Variants in TOMM20 observed in about 807,000 individuals in gnomAD.
TOMM20 encodes the protein translocase of outer mitochondrial membrane 20.
A neutral mutation model predicts 22.1 loss-of-function variants in TOMM20; 10 were observed. The ratio of observed to expected loss-of-function variants is 0.45; its 90% CI spans 0.28 to 0.77. The LOEUF (loss-of-function observed/expected upper bound fraction) is 0.77, where lower values mean the gene tolerates loss of function less well. Ranked by LOEUF, TOMM20 falls within the 30% of genes least tolerant of loss-of-function variation. TOMM20 has a pLI of 0.13. For synonymous variants in TOMM20, 55 were observed against 61.4 expected (o/e 0.90, Z 0.49); for missense variants, 121 against 172.2 (o/e 0.70, Z 1.66).
At position 235,111,633 on chromosome 1, in the gene TOMM20, C is replaced by T. The variant is rs1315117400; in HGVS notation, c.*431G>A. On this transcript the variant is annotated 3_prime_UTR_variant, in exon 5 of 5. Transcript: ENST00000366607. The stretch of plus-strand genomic sequence containing the variant: ...CTTTAATGCTCAGTTTTCACAAACA[C>T]AGTCAAGTCTATCAAATTTCCAGAT... 1 of 162,338 alleles carries T rather than the reference C, an allele frequency of 6.2e-6. No homozygotes were observed. The highest frequency in any genetic ancestry group is 2.4e-5 in the African/African-American group (1 of 41,418). The allele number at this position is 162,338 out of a possible 1,614,324, so 10.1% of individuals were successfully genotyped here.
At chr1:235,123,221 C>T (rs974605534) in intron 1 of TOMM20, among the ~76,000 whole-genome samples, 19 of 152,304 alleles carry the variant, frequency 1.2e-4, no homozygotes, top group African/African-American at 4.6e-4. Flanking sequence ...GGCCCAGTGG[C>T]TCATGCTTTA....
intron 1 of TOMM20, among the ~76,000 whole-genome samples, chr1:235,125,340 CAGT>C (rs1660992938): frequency 6.6e-6 from 1 of 152,102 alleles, no homozygotes; most frequent in East Asian, 1.9e-4. Flanking sequence ...TCAGCCTCCC[CAGT>C]AGGTGGGACT....
At chr1:235,125,754 T>G (rs1661005562) in intron 1 of TOMM20, among the ~76,000 whole-genome samples, 1 of 151,908 alleles carries the variant, frequency 6.6e-6, no homozygotes, top group African/African-American at 2.4e-5. Flanking sequence ...TTTTTTTTTT[T>G]TTTGAGACCG....
chr1:235,117,107 C>G, intron 3 of TOMM20, among the ~76,000 whole-genome samples: 1 of 127,346 alleles, frequency 7.9e-6, no homozygotes, highest in South Asian at 2.5e-4. Context: ...TGCACTCCAG[C>G]CTGGGCGACA....
At chr1:235,121,420 T>G (rs1013199214) in intron 2 of TOMM20, among the ~76,000 whole-genome samples, 27 of 152,210 alleles carry the variant, frequency 1.8e-4, no homozygotes. Flanking sequence ...TGTTTTCCTA[T>G]GCCCTTAGAA....
intron 2 of TOMM20, 21 bp downstream of exon 2, chr1:235,122,305 A>C: frequency 6.7e-7 from 1 of 1,488,360 alleles, no homozygotes; most frequent in East Asian, 2.4e-5. Context: ...TATATAATTT[A>C]AACAGAAACC....
At chr1:235,127,533 T>C (rs1342701020) in intron 1 of TOMM20, among the ~76,000 whole-genome samples, 1 of 152,218 alleles carries the variant, frequency 6.6e-6, no homozygotes, top group Non-Finnish European at 1.5e-5. Flanking sequence ...TACTGAACAC[T>C]TGAAATGACT....
At chr1:235,120,827 G>A (rs1247860843) in intron 2 of TOMM20, among the ~76,000 whole-genome samples, 1 of 132,510 alleles carries the variant, frequency 7.5e-6, no homozygotes, top group South Asian at 2.4e-4. Context: ...TGACTGCACC[G>A]CTACTGCACC....
chr1:235,126,749 G>C (rs190203201), intron 1 of TOMM20, among the ~76,000 whole-genome samples: 1 of 152,102 alleles, frequency 6.6e-6, no homozygotes, highest in Non-Finnish European at 1.5e-5. Flanking sequence ...GCAATGATCC[G>C]AGATCACCCC....
In TOMM20 at chr1:235,109,953, A is replaced by G. The variant is rs1660712420; in HGVS notation, c.*2111T>C. The G allele has an allele frequency of 6.6e-6, 1 of 152,166 alleles. No homozygotes were observed. The highest frequency in any genetic ancestry group is 6.5e-5 in the Admixed American group (1 of 15,274). 9.4% of individuals were successfully genotyped at this position (152,166 alleles called of 1,614,324 possible). A position where few individuals can be genotyped will look rare whatever the true frequency, so the allele number is the denominator to read the frequency against. On this transcript the variant is annotated 3_prime_UTR_variant, in exon 5 of 5. Coordinates refer to ENST00000366607, the MANE Select transcript of TOMM20 (RefSeq NM_014765.3). ...ATTACATCACCTTGTAAAACTTAAG[A>G]TGGGGATGAATAGTGTTTGGCAATT...
chr1:235,109,801 G>T lies in TOMM20; in HGVS notation c.*2263C>A, dbSNP rs778812449. The T allele has an allele frequency of 6.6e-6, 1 of 152,238 alleles. No individual in the cohort carries two copies. The highest frequency in any genetic ancestry group is 2.4e-5 in the African/African-American group (1 of 41,502). 9.4% of individuals were successfully genotyped at this position (152,238 alleles called of 1,614,324 possible). On this transcript the variant is annotated 3_prime_UTR_variant, in exon 5 of 5. Transcript: ENST00000366607. ...TAATACATTATTTTCCATTTCCAAA[G>T]TTTTTTAGTAAGTGTGCAACATTAG...
At position 235,128,650 on chromosome 1, in the gene TOMM20, G is replaced by C; in HGVS notation, c.66C>G (p.Ile22Met). ...VCGALFIGYC[I>M]YFDRKRRSDP... ...CACTTCGTCTTTTGCGGTCGAAGTA[G>C]ATGCAGTACCCAATGAAAAGGGCCC... Residue 22 changes from isoleucine (I) to methionine (M), a missense_variant, in exon 1 of 5, where the codon ATC (isoleucine) becomes ATG (methionine). Ile to Met is a conservative substitution (Grantham distance 10). Coordinates refer to ENST00000366607, the MANE Select transcript of TOMM20 (RefSeq NM_014765.3). 6.2e-7 allele frequency: 1 copy of C among 1,613,956 alleles called. No individual in the cohort carries two copies. Among genetic ancestry groups the C allele is most frequent in the African/African-American group, 1.3e-5 (1 of 75,056 alleles).
At chr1:235,122,828 T>C (rs1660950051) in intron 1 of TOMM20, among the ~76,000 whole-genome samples, 1 of 152,210 alleles carries the variant, frequency 6.6e-6, no homozygotes, top group South Asian at 2.1e-4. Context: ...ACAGGAGGCA[T>C]ATGATGGTTA....
Position 235,117,507 on chromosome 1 carries a change from G to C in TOMM20, c.250+2311C>G, listed in dbSNP as rs1405697001. On this transcript the variant is annotated intron_variant, in intron 3 of 4. Transcript: ENST00000366607. ...AAAAAAAAAGGAGAAAACAGTTTCA[G>C]ATCAATCTTACTAATTTTTACCCAG... Among the ~76,000 whole-genome samples the C allele has an allele frequency of 2.0e-5, 3 of 150,938 alleles. No individual in the cohort carries two copies. The East Asian group carries it at 5.8e-4, about 29-fold the overall frequency.
intron 3 of TOMM20, among the ~76,000 whole-genome samples, chr1:235,117,836 G>A (rs892611786): frequency 6.6e-6 from 1 of 151,896 alleles, no homozygotes; most frequent in African/African-American, 2.4e-5. Context: ...CACTGCCAAT[G>A]TGAGGACTAT....
At chr1:235,116,876 C>T (rs970662890) in intron 3 of TOMM20, among the ~76,000 whole-genome samples, 2 of 152,094 alleles carry the variant, frequency 1.3e-5, no homozygotes, top group East Asian at 1.9e-4. Context: ...TGGCTCAAGC[C>T]TGTAATCCCA....
chr1:235,127,887 A>G, intron 1 of TOMM20: 1 of 519,174 alleles, frequency 1.9e-6, no homozygotes, highest in South Asian at 1.4e-5. Context: ...GCATTCACTC[A>G]TATCTTGGAA....
rs941344208 is a variant in TOMM20, at chr1:235,111,059, T to A, written c.*1005A>T. The A allele has an allele frequency of 6.6e-6, 1 of 152,168 alleles. No individual in the cohort carries two copies. The highest frequency in any genetic ancestry group is 2.4e-5 in the African/African-American group (1 of 41,438). The allele number at this position is 152,168 out of a possible 1,614,324, so 9.4% of individuals were successfully genotyped here. A position where few individuals can be genotyped will look rare whatever the true frequency, so the allele number is the denominator to read the frequency against. ...AACAAGCATTTTTACAAGCAGATCA[T>A]CCCAGTTACCTTAAAAGTTTCGGAT... On this transcript the variant is annotated 3_prime_UTR_variant, in exon 5 of 5. Transcript: ENST00000366607.
chr1:235,113,630 G>A (rs1660778432), intron 4 of TOMM20, 138 bp downstream of exon 4: 1 of 1,112,012 alleles, frequency 9.0e-7, no homozygotes, highest in Non-Finnish European at 1.2e-6. Context: ...AAAATGTCAA[G>A]CGCTGATATC....
Sources: gnomAD v4.1 joint callset for allele counts (sites outside exome capture counted in the v4.1 genomes callset) on GRCh38, gnomAD v4.1.1 for gene constraint, MANE v1.5 for transcripts, NCBI Gene and HGNC (gene_info 2026-07-23, HGNC 2026-07-21) for gene names.